Variants in SLC24A2 observed in about 807,000 individuals in gnomAD.
The protein encoded by SLC24A2 is solute carrier family 24 member 2, also known as sodium/potassium/calcium exchanger 2.
In SLC24A2, 36 loss-of-function variants were observed where a neutral mutation model predicts 62.0. The observed-to-expected ratio is 0.58, with a 90% CI of 0.44 to 0.77. The LOEUF is 0.77. Ranked by LOEUF, SLC24A2 falls within the 30% of genes least tolerant of loss-of-function variation. The pLI is 0.00. For missense variants in SLC24A2, 846 were observed against 817.9 expected, an observed-to-expected ratio of 1.03 and a Z score of -0.42; for synonymous variants, 358 against 294.0, an observed-to-expected ratio of 1.22 and a Z score of -2.23.
At chr9:20,152,794 C>T in the SLC24A2 span, among the ~76,000 whole-genome samples, 3 of 151,816 alleles carry the variant, frequency 2.0e-5, no homozygotes, top group African/African-American at 7.3e-5. Flanking sequence ...AATGTTCACT[C>T]CTTTTGAAAG....
the SLC24A2 span, among the ~76,000 whole-genome samples, chr9:20,224,567 C>G: frequency 2.0e-5 from 3 of 151,932 alleles, no homozygotes; most frequent in Non-Finnish European, 4.4e-5. Context: ...AGTTCATAGT[C>G]TAGCAAGTTG....
At chr9:19,744,838 T>C (rs1236740682) in intron 2 of SLC24A2, among the ~76,000 whole-genome samples, 1 of 152,188 alleles carries the variant, frequency 6.6e-6, no homozygotes, top group African/African-American at 2.4e-5. Context: ...TTCCCAAACA[T>C]CTAAGCCTGT....
At chr9:19,964,226 G>C in the SLC24A2 span, among the ~76,000 whole-genome samples, 2 of 113,552 alleles carry the variant, frequency 1.8e-5, no homozygotes. Context: ...TTGTGGGGTG[G>C]GGGGAGGGGG....
the SLC24A2 span, among the ~76,000 whole-genome samples, chr9:19,996,062 A>G: frequency 6.6e-6 from 1 of 152,358 alleles, no homozygotes; most frequent in Non-Finnish European, 1.5e-5. Context: ...GAGCTAGAAG[A>G]GTAAAATTAG....
In SLC24A2 at chr9:19,565,350, G is replaced by A. The variant is rs993793548; in HGVS notation, c.1347+8001C>T. On this transcript the variant is annotated intron_variant, in intron 7 of 10. Coordinates refer to ENST00000341998, the MANE Select transcript of SLC24A2 (RefSeq NM_020344.4). ...ACAAACAGAGAGCCAAATCATGAGT[G>A]AACTCCCATTCACAATTGCTTCAAA... 3.3e-4 allele frequency among the ~76,000 whole-genome samples: 49 copies of A among 147,236 alleles called. 1 individual carries two copies. Among genetic ancestry groups the A allele is most frequent in the African/African-American group, 1.1e-3 (45 of 39,454 alleles).
At chr9:19,961,604 A>G in the SLC24A2 span, among the ~76,000 whole-genome samples, 79 of 152,262 alleles carry the variant, frequency 5.2e-4, no homozygotes, top group East Asian at 9.6e-3. Flanking sequence ...GATGCCCCCA[A>G]TACTTCCTGG....
chr9:20,037,742 C>G, the SLC24A2 span, among the ~76,000 whole-genome samples: 1 of 152,132 alleles, frequency 6.6e-6, no homozygotes, highest in Non-Finnish European at 1.5e-5. Flanking sequence ...TCTGGAGACA[C>G]TTTGGATTGT....
At chr9:19,876,172 AT>A in the SLC24A2 span, among the ~76,000 whole-genome samples, 1 of 152,226 alleles carries the variant, frequency 6.6e-6, no homozygotes, top group African/African-American at 2.4e-5. Flanking sequence ...ACACCTAAAC[AT>A]AGAAAGATTT....
At chr9:19,899,944 TAATAC>T in the SLC24A2 span, among the ~76,000 whole-genome samples, 1 of 152,194 alleles carries the variant, frequency 6.6e-6, no homozygotes, top group Non-Finnish European at 1.5e-5. Context: ...TTAATCATCT[TAATAC>T]AATTCAAGAT....
intron 2 of SLC24A2, among the ~76,000 whole-genome samples, chr9:19,764,682 T>C (rs1822457324): frequency 6.6e-6 from 1 of 152,228 alleles, no homozygotes; most frequent in Admixed American, 6.5e-5. Context: ...ATGATTTCCA[T>C]TCTTTAGCAT....
At chr9:19,682,120 T>C (rs1316580513) in intron 2 of SLC24A2, among the ~76,000 whole-genome samples, 1 of 152,156 alleles carries the variant, frequency 6.6e-6, no homozygotes, top group East Asian at 1.9e-4. Flanking sequence ...CTGAAACTCA[T>C]TATCTTGCAT....
the SLC24A2 span, among the ~76,000 whole-genome samples, chr9:19,982,674 A>G: frequency 2.6e-5 from 4 of 152,204 alleles, no homozygotes; most frequent in African/African-American, 9.6e-5. Context: ...AACACTTCCT[A>G]ACTTATTCTA....
rs374808204 is a variant in SLC24A2 at position 19,751,360 on chromosome 9, G to A, written c.930+34577C>T. Among the ~76,000 whole-genome samples, 38 of 152,200 alleles carry A rather than the reference G, an allele frequency of 2.5e-4. 1 individual carries two copies. In the East Asian group the frequency reaches 4.7e-3, roughly 19 times the overall value. On this transcript the variant is annotated intron_variant, in intron 2 of 10. Transcript: ENST00000341998. ...CAAAGTACTATATAGTTAGTAAACC[G>A]GTGGTTTCCAAATCACCTACAAAGT...
At chr9:20,296,346 G>A in the SLC24A2 span, among the ~76,000 whole-genome samples, 13 of 152,226 alleles carry the variant, frequency 8.5e-5, no homozygotes, top group Admixed American at 2.0e-4. Context: ...AATTGGCTAT[G>A]CTATGAGTTT....
chr9:19,964,761 C>T, the SLC24A2 span, among the ~76,000 whole-genome samples: 2 of 152,180 alleles, frequency 1.3e-5, no homozygotes, highest in African/African-American at 4.8e-5. Context: ...ACTTTGTTGG[C>T]GTGAAGCAGC....
the SLC24A2 span, among the ~76,000 whole-genome samples, chr9:20,074,472 G>A: frequency 1.3e-5 from 2 of 151,492 alleles, no homozygotes; most frequent in African/African-American, 2.4e-5. Flanking sequence ...GGTATTGCTG[G>A]CAACCATTTT....
chr9:20,148,984 CGGGGGGT>C, the SLC24A2 span, among the ~76,000 whole-genome samples: 1 of 152,024 alleles, frequency 6.6e-6, no homozygotes, highest in East Asian at 1.9e-4. Context: ...TGGCAAAACT[CGGGGGGT>C]TTTCTTCAAC....
the SLC24A2 span, among the ~76,000 whole-genome samples, chr9:19,817,252 G>A: frequency 6.6e-6 from 1 of 151,846 alleles, no homozygotes; most frequent in Non-Finnish European, 1.5e-5. Flanking sequence ...AATGGAAGAA[G>A]CAACTATAGG....
the SLC24A2 span, among the ~76,000 whole-genome samples, chr9:20,153,032 A>G: frequency 6.6e-6 from 1 of 151,890 alleles, no homozygotes; most frequent in Admixed American, 6.6e-5. Flanking sequence ...AACAGAGCTT[A>G]AGTTAAAACA....
Sources: gnomAD v4.1 joint callset for allele counts (sites outside exome capture counted in the v4.1 genomes callset) on GRCh38, gnomAD v4.1.1 for gene constraint, MANE v1.5 for transcripts, NCBI Gene and HGNC (gene_info 2026-07-23, HGNC 2026-07-21) for gene names.